The following EFNA5 variants were observed in gnomAD, a reference collection of about 807,000 sequenced individuals.
EFNA5 encodes the protein ephrin-A5.
In EFNA5, 5 loss-of-function variants were observed where a neutral mutation model predicts 22.9. The observed-to-expected ratio is 0.22, with a 90% CI of 0.11 to 0.46. The LOEUF (loss-of-function observed/expected upper bound fraction) is 0.46, where lower values mean the gene tolerates loss of function less well. EFNA5 is among the 20% of genes least tolerant of loss of function. The probability of loss-of-function intolerance (pLI) is 0.99; values close to 1 mark genes in which losing one functional copy is unlikely to be tolerated. For missense variants in EFNA5, 237 were observed against 293.3 expected (o/e 0.81, Z 1.40); for synonymous variants, 113 against 112.2 (o/e 1.01, Z -0.04).
intron 1 of EFNA5, among the ~76,000 whole-genome samples, chr5:107,436,219 A>C (rs1749106412): frequency 6.6e-6 from 1 of 152,212 alleles, no homozygotes; most frequent in Non-Finnish European, 1.5e-5. Flanking sequence ...CCAGTGTTGT[A>C]ACTCATTTGG....
chr5:107,588,934 G>A (rs1005786129), intron 1 of EFNA5, among the ~76,000 whole-genome samples: 5 of 152,132 alleles, frequency 3.3e-5, no homozygotes, highest in Middle Eastern at 3.2e-3. Context: ...AGTGAAAAGC[G>A]TGCACACCAC....
chr5:107,661,238 G>A (rs985350756), intron 1 of EFNA5, among the ~76,000 whole-genome samples: 1 of 152,126 alleles, frequency 6.6e-6, no homozygotes, highest in African/African-American at 2.4e-5. Context: ...ATCCCAACAT[G>A]TTGAATAAAA....
intron 1 of EFNA5, among the ~76,000 whole-genome samples, chr5:107,498,640 C>A (rs1363554818): frequency 6.6e-6 from 1 of 152,130 alleles, no homozygotes; most frequent in Non-Finnish European, 1.5e-5. Context: ...AGATAAAATT[C>A]AGAATTTTGA....
chr5:107,497,105 GTTA>G (rs1561412943), intron 1 of EFNA5, among the ~76,000 whole-genome samples: 4 of 152,206 alleles, frequency 2.6e-5, no homozygotes, highest in Non-Finnish European at 4.4e-5. Flanking sequence ...CTAGAAGCTG[GTTA>G]GTAAGTTGCC....
At chr5:107,537,267 G>A (rs1397141055) in intron 1 of EFNA5, among the ~76,000 whole-genome samples, 2 of 152,084 alleles carry the variant, frequency 1.3e-5, no homozygotes, top group Admixed American at 1.3e-4. Context: ...GCCGAGGTGG[G>A]TGGATCACTT....
chr5:107,639,271 A>C (rs1750451419), intron 1 of EFNA5, among the ~76,000 whole-genome samples: 1 of 152,232 alleles, frequency 6.6e-6, no homozygotes, highest in African/African-American at 2.4e-5. Flanking sequence ...GGCAGCATTC[A>C]TTTGGTAAAT....
chr5:107,454,068 T>C (rs1749628185), intron 1 of EFNA5, among the ~76,000 whole-genome samples: 1 of 152,102 alleles, frequency 6.6e-6, no homozygotes, highest in African/African-American at 2.4e-5. Context: ...AGCCAATAAT[T>C]CCCTTCATAG....
In EFNA5 at chr5:107,626,594, T is replaced by C. The variant is rs553345673; in HGVS notation, c.125+43895A>G. Among the ~76,000 whole-genome samples the C allele has an allele frequency of 5.9e-5, 9 of 152,238 alleles. No homozygotes were observed. In the East Asian group the frequency reaches 1.5e-3, roughly 26 times the overall value. ...CATGCCCAGCTATATTTTCTGTAAATTGCTAATGAGAATGAAACATGTATG... is the reference window on the plus strand; with the variant it reads ...CATGCCCAGCTATATTTTCTGTAAACTGCTAATGAGAATGAAACATGTATG... On this transcript the variant is annotated intron_variant, in intron 1 of 4. Transcript: ENST00000333274.
chr5:107,416,330 C>A (rs1028055446), intron 2 of EFNA5, among the ~76,000 whole-genome samples: 2 of 152,140 alleles, frequency 1.3e-5, no homozygotes, highest in African/African-American at 4.8e-5. Flanking sequence ...CTACTTTTAA[C>A]GTCTTTTAAA....
chr5:107,477,703 T>C (rs909782489), intron 1 of EFNA5, among the ~76,000 whole-genome samples: 6 of 152,234 alleles, frequency 3.9e-5, no homozygotes, highest in Non-Finnish European at 8.8e-5. Context: ...GACTAACTTC[T>C]ACCTGCACTG....
chr5:107,584,033 C>T (rs1262601484), intron 1 of EFNA5, among the ~76,000 whole-genome samples: 1 of 152,146 alleles, frequency 6.6e-6, no homozygotes, highest in African/African-American at 2.4e-5. Flanking sequence ...GCTCGGCGTC[C>T]ACAGGGGATT....
chr5:107,557,584 C>G (rs1288456765), intron 1 of EFNA5, among the ~76,000 whole-genome samples: 1 of 152,132 alleles, frequency 6.6e-6, no homozygotes, highest in Non-Finnish European at 1.5e-5. Flanking sequence ...GAATTCAATC[C>G]TGGTTAGTGT....
At chr5:107,535,161 A>G (rs1431419698) in intron 1 of EFNA5, among the ~76,000 whole-genome samples, 1 of 152,162 alleles carries the variant, frequency 6.6e-6, no homozygotes, top group Non-Finnish European at 1.5e-5. Flanking sequence ...AGTGGCATTC[A>G]ACAGCGGTGG....
intron 1 of EFNA5, among the ~76,000 whole-genome samples, chr5:107,534,222 G>A (rs184228838): frequency 5.8e-4 from 89 of 152,274 alleles, no homozygotes; most frequent in Non-Finnish European, 1.5e-4. Flanking sequence ...TCAAGATCTT[G>A]ACTTTCACCG....
At chr5:107,555,691 T>C (rs553801808) in intron 1 of EFNA5, among the ~76,000 whole-genome samples, 1 of 152,342 alleles carries the variant, frequency 6.6e-6, no homozygotes, top group East Asian at 1.9e-4. Flanking sequence ...GTAGTGTATA[T>C]AGCTAATCTG....
At chr5:107,546,042 A>G (rs1393199695) in intron 1 of EFNA5, among the ~76,000 whole-genome samples, 2 of 152,068 alleles carry the variant, frequency 1.3e-5, no homozygotes, top group African/African-American at 4.8e-5. Flanking sequence ...CTTTGGAAAA[A>G]TGGGGTTTCA....
intron 1 of EFNA5, among the ~76,000 whole-genome samples, chr5:107,440,631 G>A (rs1749231365): frequency 6.6e-6 from 1 of 152,176 alleles, no homozygotes; most frequent in Non-Finnish European, 1.5e-5. Flanking sequence ...ACTTTCTTCA[G>A]TACTCAGTAG....
intron 1 of EFNA5, among the ~76,000 whole-genome samples, chr5:107,648,155 C>T (rs1750663231): frequency 6.6e-6 from 1 of 152,102 alleles, no homozygotes; most frequent in Admixed American, 6.6e-5. Context: ...ACCAACATGT[C>T]TTATTCACTT....
chr5:107,479,459 TA>T lies in EFNA5; in HGVS notation c.126-51951del, dbSNP rs77898266. Among the ~76,000 whole-genome samples the T allele has an allele frequency of 7.6e-4, 110 of 145,024 alleles. 1 individual carries two copies. The highest frequency in any genetic ancestry group is 1.3e-3 in the Non-Finnish European group (83 of 65,648). ...TGACCTCAATAAATGAAAACACATTTAAAAAAAAAAAACAACCTAAATTATA... is the reference window on the plus strand; with the variant it reads ...TGACCTCAATAAATGAAAACACATTTAAAAAAAAAAACAACCTAAATTATA... On this transcript the variant is annotated intron_variant, in intron 1 of 4. Coordinates refer to ENST00000333274, the MANE Select transcript of EFNA5 (RefSeq NM_001962.3).
Sources: gnomAD v4.1 joint callset for allele counts (sites outside exome capture counted in the v4.1 genomes callset) on GRCh38, gnomAD v4.1.1 for gene constraint, MANE v1.5 for transcripts, NCBI Gene and HGNC (gene_info 2026-07-23, HGNC 2026-07-21) for gene names.